Variants in IGSF21 observed in about 807,000 individuals in gnomAD.
IGSF21 encodes immunoglobulin superfamily member 21.
Under a neutral mutation model 46.8 loss-of-function variants are expected in IGSF21, and 28 were observed. That is an observed-to-expected ratio of 0.60 (90% confidence interval 0.44 to 0.82). IGSF21 has a LOEUF of 0.82. Ranked by LOEUF, IGSF21 falls within the 40% of genes least tolerant of loss-of-function variation. IGSF21 has a pLI of 0.00. For missense variants in IGSF21, 624 were observed against 665.5 expected (o/e 0.94, Z 0.69); for synonymous variants, 284 against 273.6 (o/e 1.04, Z -0.38).
intron 4 of IGSF21, among the ~76,000 whole-genome samples, chr1:18,348,375 C>A (rs1414251572): frequency 6.6e-6 from 1 of 152,210 alleles, no homozygotes; most frequent in Non-Finnish European, 1.5e-5. Context: ...CAGGGCTCCC[C>A]TCTTGTTCCA....
chr1:18,267,942 T>C (rs1462432112), intron 2 of IGSF21, among the ~76,000 whole-genome samples: 1 of 152,242 alleles, frequency 6.6e-6, no homozygotes, highest in Non-Finnish European at 1.5e-5. Context: ...AAGCTTAAAA[T>C]AGTTACTGTC....
intron 1 of IGSF21, among the ~76,000 whole-genome samples, chr1:18,205,901 T>C (rs920589979): frequency 1.3e-5 from 2 of 152,208 alleles, no homozygotes; most frequent in East Asian, 3.9e-4. Flanking sequence ...GATGTGTCAT[T>C]TTCAAGAAGC....
At chr1:18,319,941 G>A (rs900478022) in intron 3 of IGSF21, among the ~76,000 whole-genome samples, 8 of 152,324 alleles carry the variant, frequency 5.3e-5, no homozygotes, top group African/African-American at 1.9e-4. Flanking sequence ...GAGGTCAGTG[G>A]TTTTGGTTTC....
intron 3 of IGSF21, among the ~76,000 whole-genome samples, chr1:18,325,079 A>C (rs569105282): frequency 2.0e-5 from 3 of 152,322 alleles, no homozygotes; most frequent in East Asian, 1.9e-4. Context: ...AGGCAGGGAA[A>C]GACAGAGAGT....
chr1:18,244,976 C>T (rs1455121955), intron 2 of IGSF21, among the ~76,000 whole-genome samples: 1 of 152,132 alleles, frequency 6.6e-6, no homozygotes, highest in South Asian at 2.1e-4. Flanking sequence ...CTCCAGTTTC[C>T]TCATCTCATG....
At chr1:18,315,169 T>C (rs959309402) in intron 3 of IGSF21, among the ~76,000 whole-genome samples, 3 of 152,276 alleles carry the variant, frequency 2.0e-5, no homozygotes, top group Non-Finnish European at 4.4e-5. Context: ...GGCCCATCTC[T>C]GCTCTCCAGG....
intron 2 of IGSF21, among the ~76,000 whole-genome samples, chr1:18,287,202 T>TAAAG (rs1271767939): frequency 7.2e-6 from 1 of 137,932 alleles, no homozygotes; most frequent in African/African-American, 2.7e-5. Context: ...ATAAAATAAA[T>TAAAG]AAATAAATAA....
chr1:18,131,220 C>A (rs976249222), intron 1 of IGSF21, among the ~76,000 whole-genome samples: 1 of 152,160 alleles, frequency 6.6e-6, no homozygotes, highest in Admixed American at 6.5e-5. Context: ...TTTTTCTTCA[C>A]GTGTCTCAGA....
chr1:18,330,091 C>A (rs553404486), intron 3 of IGSF21, among the ~76,000 whole-genome samples: 1 of 152,226 alleles, frequency 6.6e-6, no homozygotes, highest in Non-Finnish European at 1.5e-5. Context: ...CTCACCCTCA[C>A]CCCCCTCGGG....
intron 1 of IGSF21, among the ~76,000 whole-genome samples, chr1:18,162,979 G>C (rs891960709): frequency 6.6e-6 from 1 of 152,124 alleles, no homozygotes; most frequent in Non-Finnish European, 1.5e-5. Context: ...TGTCACATTG[G>C]GGGTGGTAGA....
At chr1:18,109,000 G>T (rs74646595) in intron 1 of IGSF21, among the ~76,000 whole-genome samples, 66 of 150,820 alleles carry the variant, frequency 4.4e-4, no homozygotes, top group African/African-American at 1.5e-3. Context: ...GTGTGTGTGT[G>T]TGTGTGTGTG....
At chr1:18,235,422 G>A (rs890402238) in intron 2 of IGSF21, among the ~76,000 whole-genome samples, 3 of 152,214 alleles carry the variant, frequency 2.0e-5, no homozygotes, top group Non-Finnish European at 4.4e-5. Flanking sequence ...GATAAGCGCA[G>A]TGCATATAAT....
intron 2 of IGSF21, among the ~76,000 whole-genome samples, chr1:18,289,661 T>C (rs2085247851): frequency 6.6e-6 from 1 of 151,618 alleles, no homozygotes; most frequent in Admixed American, 6.6e-5. Flanking sequence ...AGATAATTCT[T>C]GGGAGGGGGG....
chr1:18,291,658 C>T (rs1210298184), intron 2 of IGSF21, among the ~76,000 whole-genome samples: 1 of 152,228 alleles, frequency 6.6e-6, no homozygotes, highest in African/African-American at 2.4e-5. Flanking sequence ...AAAACTCCCA[C>T]CCGTTGCCAG....
chr1:18,164,893 C>A (rs1376992700), intron 1 of IGSF21, among the ~76,000 whole-genome samples: 1 of 101,664 alleles, frequency 9.8e-6, no homozygotes, highest in African/African-American at 3.9e-5. Context: ...CCTCCCCCCA[C>A]CCCACAACAG....
rs78983703 is a variant in IGSF21 at position 18,178,074 on chromosome 1, A to G, written c.71-49824A>G. On this transcript the variant is annotated intron_variant, in intron 1 of 9. Transcript: ENST00000251296. ...AAGTGTGAGGTTGTCAGGAAAAAGAAGAAAGGAAGGCGGGGAAGTGGGGAG... is the reference window on the plus strand; with the variant it reads ...AAGTGTGAGGTTGTCAGGAAAAAGAGGAAAGGAAGGCGGGGAAGTGGGGAG... 4.7e-3 allele frequency among the ~76,000 whole-genome samples: 708 copies of G among 152,252 alleles called. 11 individuals carry two copies. The highest frequency in any genetic ancestry group is 0.044 in the East Asian group (227 of 5,174).
At chr1:18,156,249 G>A (rs1213918400) in intron 1 of IGSF21, among the ~76,000 whole-genome samples, 1 of 152,186 alleles carries the variant, frequency 6.6e-6, no homozygotes, top group African/African-American at 2.4e-5. Context: ...TTAAGGAGGT[G>A]GTCATCAGGG....
intron 2 of IGSF21, among the ~76,000 whole-genome samples, chr1:18,239,653 C>T (rs567448460): frequency 7.9e-5 from 12 of 152,300 alleles, no homozygotes; most frequent in African/African-American, 2.9e-4. Context: ...TTCTTTCCCA[C>T]CTCCGAGCTG....
intron 3 of IGSF21, among the ~76,000 whole-genome samples, chr1:18,308,629 A>C (rs1557636848): frequency 6.6e-6 from 1 of 152,196 alleles, no homozygotes; most frequent in Non-Finnish European, 1.5e-5. Context: ...TACAGTGTGC[A>C]AGCTCCAGAA....
Sources: gnomAD v4.1 joint callset for allele counts (sites outside exome capture counted in the v4.1 genomes callset) on GRCh38, gnomAD v4.1.1 for gene constraint, MANE v1.5 for transcripts, NCBI Gene and HGNC (gene_info 2026-07-23, HGNC 2026-07-21) for gene names.